MACROD2: variants seen among roughly 807,000 people sequenced by gnomAD.
MACROD2 encodes the protein ADP-ribose glycohydrolase MACROD2.
In MACROD2, 36 loss-of-function variants were observed where a neutral mutation model predicts 70.4. The observed-to-expected ratio is 0.51, with a 90% confidence interval of 0.39 to 0.68. The LOEUF is 0.68. Among genes scored for constraint, MACROD2 ranks in the 30% least tolerant of loss-of-function variants. The pLI is 0.00. For synonymous variants in MACROD2, 172 were observed against 178.8 expected (o/e 0.96, Z 0.30); for missense variants, 496 against 538.4 (o/e 0.92, Z 0.78).
chr20:14,317,119 A>G (rs2082618539), intron 3 of MACROD2, among the ~76,000 whole-genome samples: 1 of 152,092 alleles, frequency 6.6e-6, no homozygotes, highest in Non-Finnish European at 1.5e-5. Flanking sequence ...CCTATTTGCA[A>G]CTTTAACACA....
chr20:14,462,836 G>C (rs1600262880), intron 3 of MACROD2, among the ~76,000 whole-genome samples: 1 of 152,046 alleles, frequency 6.6e-6, no homozygotes, highest in Non-Finnish European at 1.5e-5. Flanking sequence ...TCAAAGATCA[G>C]ATAGTTGTAG....
chr20:14,484,330 A>G (rs1160715511), intron 3 of MACROD2, among the ~76,000 whole-genome samples: 2 of 152,040 alleles, frequency 1.3e-5, no homozygotes, highest in Admixed American at 6.5e-5. Context: ...GTGTGTGTAT[A>G]TATATAGAAG....
intron 5 of MACROD2, among the ~76,000 whole-genome samples, chr20:15,229,335 A>G (rs182410922): frequency 6.6e-6 from 1 of 152,362 alleles, no homozygotes; most frequent in Admixed American, 6.5e-5. Context: ...ACCTATTAAA[A>G]TAGGTATGAA....
At chr20:15,329,246 A>G (rs2077965656) in intron 6 of MACROD2, among the ~76,000 whole-genome samples, 2 of 152,116 alleles carry the variant, frequency 1.3e-5, no homozygotes, top group African/African-American at 2.4e-5. Context: ...GCTTAGAGAC[A>G]ATCCCAAGGT....
At chr20:15,272,248 A>G (rs1434800722) in intron 6 of MACROD2, among the ~76,000 whole-genome samples, 4 of 152,216 alleles carry the variant, frequency 2.6e-5, no homozygotes, top group Non-Finnish European at 4.4e-5. Context: ...TGCAATCCCA[A>G]TGTATTAGCA....
chr20:15,477,885 A>G (rs2047044074), intron 7 of MACROD2, among the ~76,000 whole-genome samples: 1 of 152,198 alleles, frequency 6.6e-6, no homozygotes, highest in South Asian at 2.1e-4. Flanking sequence ...ATGCACCGTA[A>G]CAGCAGAAGC....
chr20:14,763,892 A>T (rs181280941), intron 5 of MACROD2, among the ~76,000 whole-genome samples: 1 of 151,956 alleles, frequency 6.6e-6, no homozygotes, highest in Non-Finnish European at 1.5e-5. Flanking sequence ...ATAGATTTAG[A>T]CTGTCTTACC....
intron 3 of MACROD2, among the ~76,000 whole-genome samples, chr20:14,480,282 A>G (rs2084648321): frequency 6.6e-6 from 1 of 152,250 alleles, no homozygotes; most frequent in Admixed American, 6.5e-5. Context: ...AAATAATTAA[A>G]TTATAATTTG....
intron 10 of MACROD2, chr20:15,892,904 A>T: frequency 2.5e-6 from 1 of 398,784 alleles, no homozygotes; most frequent in Non-Finnish European, 4.4e-6. Flanking sequence ...TTAAATGAGA[A>T]TATTAAATCT....
chr20:14,979,504 A>G (rs1480597767), intron 5 of MACROD2, among the ~76,000 whole-genome samples: 1 of 152,180 alleles, frequency 6.6e-6, no homozygotes, highest in African/African-American at 2.4e-5. Flanking sequence ...GATGAACAAT[A>G]ATGTCCTGTT....
chr20:16,017,295 T>C (rs2066942406), intron 15 of MACROD2, among the ~76,000 whole-genome samples: 1 of 151,550 alleles, frequency 6.6e-6, no homozygotes. Context: ...TATAAGCACA[T>C]TGGCTGCAAG....
At chr20:16,037,847 C>T (rs114410214) in intron 15 of MACROD2, among the ~76,000 whole-genome samples, 99 of 151,938 alleles carry the variant, frequency 6.5e-4, no homozygotes, top group African/African-American at 2.2e-3. Flanking sequence ...TTTTGATAAA[C>T]TTATTTTAAT....
At chr20:15,087,923 T>C (rs936344487) in intron 5 of MACROD2, among the ~76,000 whole-genome samples, 2 of 152,008 alleles carry the variant, frequency 1.3e-5, no homozygotes, top group African/African-American at 4.8e-5. Context: ...ATGTTTAACC[T>C]TTCTAGTAAA....
intron 5 of MACROD2, among the ~76,000 whole-genome samples, chr20:14,732,707 T>C (rs1476690179): frequency 6.6e-6 from 1 of 152,156 alleles, no homozygotes; most frequent in Non-Finnish European, 1.5e-5. Context: ...AGAATTTTTT[T>C]TTCTTTTCCC....
intron 3 of MACROD2, among the ~76,000 whole-genome samples, chr20:14,301,208 A>G (rs78068519): frequency 0.022 from 3,324 of 152,230 alleles, 36 homozygotes; most frequent in East Asian, 0.025. Context: ...ACATTTAACC[A>G]CTATGTCATG....
chr20:15,736,821 G>C (rs988053998), intron 8 of MACROD2, among the ~76,000 whole-genome samples: 1 of 152,138 alleles, frequency 6.6e-6, no homozygotes, highest in Non-Finnish European at 1.5e-5. Context: ...TTCAGCCTCT[G>C]TGGATTTTGG....
At chr20:15,802,068 A>T (rs2063731271) in intron 8 of MACROD2, among the ~76,000 whole-genome samples, 1 of 152,104 alleles carries the variant, frequency 6.6e-6, no homozygotes, top group Non-Finnish European at 1.5e-5. Context: ...AACTTTACTG[A>T]ATTTGATTGT....
intron 5 of MACROD2, among the ~76,000 whole-genome samples, chr20:15,050,533 CTTTTTTTTTTT>C (rs386393390): frequency 6.4e-5 from 5 of 77,878 alleles, no homozygotes; most frequent in Admixed American, 1.4e-4. Flanking sequence ...CTATTTAGGT[CTTTTTTTTTTT>C]TTTTTTTTTT....
chr20:15,897,890 A>C (rs1251530956), intron 10 of MACROD2, among the ~76,000 whole-genome samples: 1 of 152,110 alleles, frequency 6.6e-6, no homozygotes, highest in Non-Finnish European at 1.5e-5. Context: ...TTTGATGATC[A>C]TGTTCCTTGG....
Sources: gnomAD v4.1 joint callset for allele counts (sites outside exome capture counted in the v4.1 genomes callset) on GRCh38, gnomAD v4.1.1 for gene constraint, MANE v1.5 for transcripts, NCBI Gene and HGNC (gene_info 2026-07-23, HGNC 2026-07-21) for gene names.